The following SNX25 variants were observed in gnomAD, a reference collection of about 807,000 sequenced individuals.
SNX25 encodes sorting nexin 25.
Under a neutral mutation model 113.7 loss-of-function variants are expected in SNX25, and 62 were observed. The ratio of observed to expected loss-of-function variants is 0.55; its 90% CI spans 0.44 to 0.67. The LOEUF (loss-of-function observed/expected upper bound fraction) is 0.67. Ranked by LOEUF, SNX25 falls within the 30% of genes least tolerant of loss-of-function variation. The pLI is 0.00. For synonymous variants in SNX25, 421 were observed against 436.2 expected (o/e 0.97, Z 0.43); for missense variants, 1,014 against 1,161.0 (o/e 0.87, Z 1.84).
At chr4:185,211,798 C>T (rs1242836415) in intron 1 of SNX25, among the ~76,000 whole-genome samples, 2 of 152,120 alleles carry the variant, frequency 1.3e-5, no homozygotes, top group African/African-American at 4.8e-5. Context: ...AGGGTTAGGT[C>T]AAGATCAAAG....
chr4:185,224,405 A>G (rs1388972841), intron 1 of SNX25, among the ~76,000 whole-genome samples: 4 of 145,526 alleles, frequency 2.7e-5, no homozygotes, highest in Non-Finnish European at 3.0e-5. Flanking sequence ...ATATAAAAAT[A>G]TATAGATATA....
chr4:185,349,752 T>C (rs1419607716), intron 13 of SNX25, among the ~76,000 whole-genome samples: 1 of 152,214 alleles, frequency 6.6e-6, no homozygotes, highest in Non-Finnish European at 1.5e-5. Context: ...GTTTTGCTGT[T>C]GAATTGTTTG....
At chr4:185,337,888 T>C (rs7697454) in intron 10 of SNX25, among the ~76,000 whole-genome samples, 46,107 of 152,164 alleles carry the variant, frequency 0.3, 8,475 homozygotes, top group East Asian at 0.48. Flanking sequence ...TGGTATCTTA[T>C]TTTGGTTCTG....
chr4:185,374,480 C>CA (rs755352233), downstream of SNX25: 14 of 1,598,064 alleles, frequency 8.8e-6, no homozygotes, highest in South Asian at 1.1e-4. Flanking sequence ...AAAGAAAGAG[C>CA]AAAAAAACCC....
intron 6 of SNX25, among the ~76,000 whole-genome samples, chr4:185,290,823 A>G (rs1192070202): frequency 6.6e-6 from 1 of 151,654 alleles, no homozygotes; most frequent in Non-Finnish European, 1.5e-5. Flanking sequence ...GAAGTTGAGG[A>G]CTATAGCCAG....
chr4:185,338,752 A>T (rs1210354378), intron 10 of SNX25, among the ~76,000 whole-genome samples: 1 of 152,150 alleles, frequency 6.6e-6, no homozygotes, highest in Non-Finnish European at 1.5e-5. Flanking sequence ...TTCTTTCCCT[A>T]TTGAATGGTC....
At chr4:185,317,155 C>T (rs2095080874) in intron 7 of SNX25, among the ~76,000 whole-genome samples, 1 of 151,980 alleles carries the variant, frequency 6.6e-6, no homozygotes, top group Non-Finnish European at 1.5e-5. Flanking sequence ...AAAAAGTGGG[C>T]AAAGGATATG....
chr4:185,255,656 G>T (rs559685520), intron 2 of SNX25, among the ~76,000 whole-genome samples: 1 of 152,200 alleles, frequency 6.6e-6, no homozygotes, highest in South Asian at 2.1e-4. Context: ...TGCTATTTTA[G>T]GTTTTGCCTA....
At chr4:185,238,248 C>G (rs1423728895) in intron 1 of SNX25, among the ~76,000 whole-genome samples, 1 of 151,826 alleles carries the variant, frequency 6.6e-6, no homozygotes, top group Non-Finnish European at 1.5e-5. Flanking sequence ...GTGGCTGGGT[C>G]AAGGACCTAC....
At chr4:185,332,256 A>T (rs181351935) in intron 9 of SNX25, among the ~76,000 whole-genome samples, 188 of 152,306 alleles carry the variant, frequency 1.2e-3, no homozygotes, top group African/African-American at 4.5e-3. Flanking sequence ...GTTGAACATT[A>T]GGTACAGAAT....
In SNX25 at chr4:185,210,607, G is replaced by A. The variant is rs1237436774; in HGVS notation, c.429+352G>A. On this transcript the variant is annotated intron_variant, in intron 1 of 18. Coordinates refer to ENST00000652585, the MANE Select transcript of SNX25 (RefSeq NM_001378034.2). This position sits in a 1 kb window ranked among gnomAD's most constrained non-coding sequence, Gnocchi z 4.4. ...AGAAGGGAATCACAGCGTTCGCTAC[G>A]TGCAGGCTCTGCGCACGGTCCTGGC... is the stretch of plus-strand genomic sequence containing the variant. 1.3e-5 allele frequency among the ~76,000 whole-genome samples: 2 copies of A among 152,074 alleles called. No individual in the cohort carries two copies. The highest frequency in any genetic ancestry group is 2.9e-5 in the Non-Finnish European group (2 of 68,030).
chr4:185,270,926 C>T (rs1263024014), intron 5 of SNX25, among the ~76,000 whole-genome samples: 1 of 152,168 alleles, frequency 6.6e-6, no homozygotes, highest in African/African-American at 2.4e-5. Flanking sequence ...TTCACCGGTC[C>T]ATGGGCAAGT....
chr4:185,372,889 T>C, downstream of SNX25: 1 of 1,608,848 alleles, frequency 6.2e-7, no homozygotes, highest in Non-Finnish European at 8.5e-7. Flanking sequence ...TGTAAAAAAT[T>C]TCATCTTATA....
the SNX25 span, chr4:185,376,902 AT>A: frequency 6.3e-6 from 10 of 1,591,438 alleles, no homozygotes; most frequent in Non-Finnish European, 8.6e-6. Context: ...TAAACAAAAA[AT>A]GATACCTCTT....
At chr4:185,303,477 G>A (rs565268160) in intron 6 of SNX25, among the ~76,000 whole-genome samples, 19 of 152,002 alleles carry the variant, frequency 1.2e-4, no homozygotes, top group African/African-American at 4.6e-4. Context: ...GGCTTACGCA[G>A]TGAAACCCCG....
At position 185,267,140 on chromosome 4, in the gene SNX25, T is replaced by G. The variant is rs764660311; in HGVS notation, c.1076T>G (p.Phe359Cys). 2 of 1,613,756 alleles carry G rather than the reference T, an allele frequency of 1.2e-6. No homozygotes were observed. The highest frequency in any genetic ancestry group is 1.7e-6 in the Non-Finnish European group (2 of 1,179,880). The change falls in exon 5 of 19, where the codon TTC becomes TGC. Residue 359 changes from phenylalanine (F) to cysteine (C), a missense_variant. Physicochemically the swap from Phe to Cys is radical, Grantham distance 205. Coordinates refer to ENST00000652585, the MANE Select transcript of SNX25 (RefSeq NM_001378034.2). ...ATTAACAGCAACTCTGATGTGGAGT[T>G]CTTGAAGCAACTAAGGTATTTGGTC... ...KLINSNSDVEFLKQLRYQIVV... is the reference protein window; with the variant it reads ...KLINSNSDVECLKQLRYQIVV...
intron 6 of SNX25, among the ~76,000 whole-genome samples, chr4:185,310,172 A>C (rs1237962806): frequency 6.6e-6 from 1 of 152,250 alleles, no homozygotes; most frequent in African/African-American, 2.4e-5. Context: ...CCCGTGTTAT[A>C]GGTGCTTGGA....
downstream of SNX25, chr4:185,367,337 GA>G (rs2095392071): frequency 8.9e-7 from 1 of 1,120,898 alleles, no homozygotes; most frequent in Admixed American, 2.3e-5. Flanking sequence ...TCATTTTTAA[GA>G]ATAGTAAAGT....
chr4:185,287,979 T>TAA (rs1442499891), intron 5 of SNX25, 33 bp from the exon 6 acceptor site: 1 of 1,545,142 alleles, frequency 6.5e-7, no homozygotes, highest in South Asian at 1.1e-5. Flanking sequence ...TTCTTCCTCT[T>TAA]AAATCTTTTT....
Sources: allele counts gnomAD v4.1 joint callset (sites outside exome capture counted in the v4.1 genomes callset), GRCh38; gene constraint gnomAD v4.1.1; non-coding constraint Gnocchi (gnomAD v3.1); transcripts MANE v1.5; gene names NCBI Gene and HGNC (gene_info 2026-07-23, HGNC 2026-07-21).